The following LARGE1 variants were observed in gnomAD, a reference collection of about 807,000 sequenced individuals.
The protein encoded by LARGE1 is xylosyl- and glucuronyltransferase LARGE1.
Under a neutral mutation model 87.6 loss-of-function variants are expected in LARGE1, and 43 were observed. That is an observed-to-expected ratio of 0.49 (90% CI 0.38 to 0.63). The LOEUF is 0.63. Ranked by LOEUF, LARGE1 falls within the 30% of genes least tolerant of loss-of-function variation. The probability of loss-of-function intolerance (pLI) is 0.00; values close to 1 mark genes in which losing one functional copy is unlikely to be tolerated. For missense variants in LARGE1, 802 were observed against 1,000.2 expected (o/e 0.80, Z 2.67); for synonymous variants, 434 against 394.6 (o/e 1.10, Z -1.18).
At chr22:33,275,184 G>C (rs1431728304) in intron 14 of LARGE1, among the ~76,000 whole-genome samples, 1 of 152,120 alleles carries the variant, frequency 6.6e-6, no homozygotes, top group African/African-American at 2.4e-5. Flanking sequence ...ACCTCTCCCT[G>C]ACACATCTTT....
intron 1 of LARGE1, among the ~76,000 whole-genome samples, chr22:33,854,114 T>C (rs1405069839): frequency 2.6e-5 from 4 of 150,994 alleles, no homozygotes; most frequent in African/African-American, 9.8e-5. Context: ...CAAGATCCAT[T>C]TGCATCAAAA....
chr22:33,568,458 A>G (rs2078093305), intron 5 of LARGE1, among the ~76,000 whole-genome samples: 1 of 152,206 alleles, frequency 6.6e-6, no homozygotes, highest in South Asian at 2.1e-4. Context: ...TTAAATGAAC[A>G]ACAACAAAAT....
the LARGE1 span, among the ~76,000 whole-genome samples, chr22:33,128,030 G>A: frequency 6.6e-6 from 1 of 152,094 alleles, no homozygotes; most frequent in Non-Finnish European, 1.5e-5. Flanking sequence ...TATGCTTGAT[G>A]ATGTTCCACA....
intron 9 of LARGE1, among the ~76,000 whole-genome samples, chr22:33,366,692 T>A (rs902031261): frequency 6.6e-6 from 1 of 152,238 alleles, no homozygotes; most frequent in Admixed American, 6.5e-5. Context: ...TCCGCCATGA[T>A]TGTGAGGCCT....
At chr22:33,181,442 A>C (rs557245166) in intron 11 of LARGE1, among the ~76,000 whole-genome samples, 1 of 152,306 alleles carries the variant, frequency 6.6e-6, no homozygotes, top group South Asian at 2.1e-4. Context: ...ACTAGTCAGA[A>C]GTTACACTGC....
chr22:33,681,709 C>T (rs1025765876), intron 2 of LARGE1, among the ~76,000 whole-genome samples: 6 of 152,208 alleles, frequency 3.9e-5, no homozygotes, highest in Non-Finnish European at 7.3e-5. Flanking sequence ...TTTATCAATG[C>T]TACGTCTCAA....
At chr22:33,424,659 T>C (rs2066812361) in intron 7 of LARGE1, among the ~76,000 whole-genome samples, 5 of 151,616 alleles carry the variant, frequency 3.3e-5, no homozygotes. Context: ...ACCCTGTCTA[T>C]ATAAAAAATA....
At chr22:33,550,885 A>G (rs955581680) in intron 6 of LARGE1, among the ~76,000 whole-genome samples, 1 of 152,198 alleles carries the variant, frequency 6.6e-6, no homozygotes, top group Non-Finnish European at 1.5e-5. Context: ...GAATAAAATC[A>G]TGTCTTCTGA....
chr22:33,341,993 G>C (rs926327561), intron 9 of LARGE1, among the ~76,000 whole-genome samples: 4 of 152,160 alleles, frequency 2.6e-5, no homozygotes, highest in African/African-American at 9.7e-5. Context: ...CGGCTGGCAG[G>C]GATGAAACTA....
intron 2 of LARGE1, among the ~76,000 whole-genome samples, chr22:33,679,320 A>G (rs1451617274): frequency 6.6e-6 from 1 of 152,198 alleles, no homozygotes; most frequent in Non-Finnish European, 1.5e-5. Flanking sequence ...ACTAAGCCCC[A>G]GCACCTCAGA....
chr22:33,543,631 G>A (rs755220308), intron 6 of LARGE1, among the ~76,000 whole-genome samples: 8 of 152,154 alleles, frequency 5.3e-5, no homozygotes, highest in East Asian at 1.9e-4. Context: ...TCTTAAGGTC[G>A]CAAGTGACAG....
intron 6 of LARGE1, among the ~76,000 whole-genome samples, chr22:33,479,152 C>A (rs957625461): frequency 6.6e-6 from 1 of 152,156 alleles, no homozygotes; most frequent in Non-Finnish European, 1.5e-5. Context: ...AACTGGGGGG[C>A]GAGGTCTCCC....
chr22:33,278,529 G>T (rs1375956085), intron 13 of LARGE1, among the ~76,000 whole-genome samples: 1 of 150,862 alleles, frequency 6.6e-6, no homozygotes, highest in South Asian at 2.1e-4. Flanking sequence ...ACTGTGTACT[G>T]GGACTATTTT....
intron 6 of LARGE1, among the ~76,000 whole-genome samples, chr22:33,434,432 C>G (rs541328460): frequency 3.3e-5 from 5 of 152,176 alleles, no homozygotes; most frequent in Non-Finnish European, 7.3e-5. Flanking sequence ...TCCCGAGTAG[C>G]TGGGACTACA....
intron 2 of LARGE1, among the ~76,000 whole-genome samples, chr22:33,680,504 G>C (rs2081730340): frequency 2.7e-5 from 4 of 150,116 alleles, no homozygotes; most frequent in Admixed American, 2.6e-4. Context: ...AATTTGTATT[G>C]ATCAGCCTTT....
intron 6 of LARGE1, among the ~76,000 whole-genome samples, chr22:33,535,653 T>C (rs570160120): frequency 6.6e-6 from 1 of 152,252 alleles, no homozygotes; most frequent in African/African-American, 2.4e-5. Flanking sequence ...CTATTTCTTA[T>C]ACAAACTATT....
intron 11 of LARGE1, among the ~76,000 whole-genome samples, chr22:33,171,331 C>A (rs1048349476): frequency 2.0e-5 from 3 of 152,172 alleles, no homozygotes; most frequent in African/African-American, 7.2e-5. Context: ...AAGACAAAAA[C>A]CCATTTTCTG....
intron 11 of LARGE1, among the ~76,000 whole-genome samples, chr22:33,199,745 G>A (rs2146208038): frequency 6.6e-6 from 1 of 151,988 alleles, no homozygotes; most frequent in Middle Eastern, 3.4e-3. Context: ...GTACCATGCT[G>A]TTTTAGTTAC....
chr22:33,892,293 T>C (rs955328873), intron 1 of LARGE1, among the ~76,000 whole-genome samples: 2 of 152,146 alleles, frequency 1.3e-5, no homozygotes, highest in African/African-American at 4.8e-5. Context: ...GGCCCATGAA[T>C]TGGCTGCGTG....
Sources: gnomAD v4.1 joint callset for allele counts (sites outside exome capture counted in the v4.1 genomes callset) on GRCh38, gnomAD v4.1.1 for gene constraint, MANE v1.5 for transcripts, NCBI Gene and HGNC (gene_info 2026-07-23, HGNC 2026-07-21) for gene names.